The following SASH1 variants were observed in gnomAD, a reference collection of about 807,000 sequenced individuals.
The protein encoded by SASH1 is SAM and SH3 domain containing 1, also known as SAM and SH3 domain-containing protein 1.
In SASH1, 44 loss-of-function variants were observed where a neutral mutation model predicts 125.2. That is an observed-to-expected ratio of 0.35 (90% CI 0.28 to 0.45). The LOEUF (loss-of-function observed/expected upper bound fraction) is 0.45. Among genes scored for constraint, SASH1 ranks in the 20% least tolerant of loss-of-function variants. SASH1 has a pLI of 1.00. For synonymous variants in SASH1, 639 were observed against 649.1 expected (o/e 0.98, Z 0.24); for missense variants, 1,426 against 1,614.5 (o/e 0.88, Z 2.00).
the SASH1 span, among the ~76,000 whole-genome samples, chr6:148,205,337 G>T: frequency 2.0e-5 from 3 of 152,130 alleles, no homozygotes; most frequent in Admixed American, 6.5e-5. Flanking sequence ...CCTTGCGCTT[G>T]GTTGCCCATC....
At chr6:148,489,625 T>A (rs1358245134) in intron 8 of SASH1, among the ~76,000 whole-genome samples, 1 of 152,174 alleles carries the variant, frequency 6.6e-6, no homozygotes, top group East Asian at 1.9e-4. Context: ...TTTATTTATG[T>A]CTTCATTAAT....
At chr6:148,505,794 C>T (rs551815408) in intron 8 of SASH1, among the ~76,000 whole-genome samples, 2 of 152,148 alleles carry the variant, frequency 1.3e-5, no homozygotes, top group South Asian at 4.2e-4. Context: ...TGTGCCACCA[C>T]ACATGGCTAA....
chr6:148,465,705 ACTTG>A (rs1452687644), intron 4 of SASH1, among the ~76,000 whole-genome samples: 2 of 152,114 alleles, frequency 1.3e-5, no homozygotes, highest in Non-Finnish European at 2.9e-5. Flanking sequence ...CAGTCCCATG[ACTTG>A]AAGTGCAAAG....
At chr6:148,526,046 CTTTTTTTTTTTTTTTTT>C (rs34023266) in intron 11 of SASH1, among the ~76,000 whole-genome samples, 3 of 54,132 alleles carry the variant, frequency 5.5e-5, no homozygotes, top group African/African-American at 7.0e-5. Context: ...GAAGGTGAGT[CTTTTTTTTTTTTTTTTT>C]TTTTTTTTTT....
intron 1 of SASH1, among the ~76,000 whole-genome samples, chr6:148,376,953 G>T (rs1396514291): frequency 6.6e-6 from 1 of 151,240 alleles, no homozygotes; most frequent in Non-Finnish European, 1.5e-5. Context: ...GGCGGATCAC[G>T]AGGTCAGGAG....
chr6:148,509,588 C>T (rs1293321648), intron 8 of SASH1, among the ~76,000 whole-genome samples: 1 of 152,118 alleles, frequency 6.6e-6, no homozygotes, highest in East Asian at 1.9e-4. Context: ...TTGGTTTTAA[C>T]CTTTATTACA....
At chr6:148,228,738 CA>C in the SASH1 span, among the ~76,000 whole-genome samples, 5 of 152,108 alleles carry the variant, frequency 3.3e-5, no homozygotes. Context: ...CATTGTTCTA[CA>C]GTTTAATGTT....
At chr6:148,337,889 C>T (rs1036367662), upstream of SASH1, among the ~76,000 whole-genome samples, 1 of 152,144 alleles carries the variant, frequency 6.6e-6, no homozygotes, top group Non-Finnish European at 1.5e-5. Context: ...AGAATTGATT[C>T]TGTAATCAAC....
intron 8 of SASH1, among the ~76,000 whole-genome samples, chr6:148,511,008 AAAAAAG>A (rs1222463547): frequency 1.3e-5 from 2 of 152,150 alleles, no homozygotes; most frequent in East Asian, 1.9e-4. Flanking sequence ...AAAAAAAAAA[AAAAAAG>A]AAAGACATGC....
At chr6:148,235,032 A>G in the SASH1 span, among the ~76,000 whole-genome samples, 6 of 152,186 alleles carry the variant, frequency 3.9e-5, no homozygotes, top group Non-Finnish European at 7.4e-5. Flanking sequence ...AGCACCAACA[A>G]TACATGGATT....
At chr6:148,338,955 A>C (rs1394411447), upstream of SASH1, among the ~76,000 whole-genome samples, 2 of 150,610 alleles carry the variant, frequency 1.3e-5, no homozygotes, top group Non-Finnish European at 3.0e-5. Context: ...CAGTGAGCCG[A>C]AATCGGGCCA....
intron 1 of SASH1, among the ~76,000 whole-genome samples, chr6:148,359,457 A>G (rs1050494171): frequency 8.6e-5 from 13 of 151,980 alleles, no homozygotes; most frequent in Admixed American, 6.6e-5. Context: ...AATTGCTGCA[A>G]TCTCATGATT....
chr6:148,422,047 G>A (rs944604556), intron 2 of SASH1, among the ~76,000 whole-genome samples: 1 of 152,252 alleles, frequency 6.6e-6, no homozygotes, highest in Admixed American at 6.5e-5. Context: ...GGAGGGAAAG[G>A]AGAAGGCCCT....
Position 148,390,255 on chromosome 6 carries a change from T to A in SASH1, c.278T>A (p.Leu93Gln). ...CGGAAACGGCGGGTTTCCCAGGACC[T>A]GGAAGTGGTGAGTGGGGGTCCTGGG... is the stretch of plus-strand genomic sequence containing the variant. Reference protein sequence around the residue: ...ELRKRRVSQDLEVEKPDASPT... With the variant: ...ELRKRRVSQDQEVEKPDASPT... The change falls in exon 2 of 20, where the codon CTG (leucine) becomes CAG (glutamine). Residue 93 changes from leucine (L) to glutamine (Q), a missense_variant. Around this residue, in one of 3 missense-constraint regions of SASH1, gnomAD observed 567 missense variants for 575.6 expected, o/e 0.99. Coordinates refer to ENST00000367467, the MANE Select transcript of SASH1 (RefSeq NM_015278.5). 6.2e-7 allele frequency: 1 copy of A among 1,610,780 alleles called. No individual in the cohort carries two copies. Among genetic ancestry groups the A allele is most frequent in the Non-Finnish European group, 8.5e-7 (1 of 1,178,966 alleles).
chr6:148,341,994 G>T (rs533647602), upstream of SASH1, among the ~76,000 whole-genome samples: 1 of 152,204 alleles, frequency 6.6e-6, no homozygotes, highest in South Asian at 2.1e-4. Context: ...CTTCCCCTTG[G>T]AAAAACACAC....
intron 1 of SASH1, among the ~76,000 whole-genome samples, chr6:148,353,435 ATTTTTTTT>A (rs377513066): frequency 9.2e-6 from 1 of 108,800 alleles, no homozygotes; most frequent in Non-Finnish European, 1.8e-5. Context: ...TTTAAGATTG[ATTTTTTTT>A]TTTTTTTTTT....
chr6:148,228,487 T>C, the SASH1 span, among the ~76,000 whole-genome samples: 1 of 152,150 alleles, frequency 6.6e-6, no homozygotes, highest in Non-Finnish European at 1.5e-5. Context: ...ACAAACAAAA[T>C]ATTGTGGCAA....
intron 1 of SASH1, among the ~76,000 whole-genome samples, chr6:148,358,001 A>C (rs1782012007): frequency 1.4e-5 from 2 of 145,706 alleles, no homozygotes; most frequent in Admixed American, 7.2e-5. Flanking sequence ...CGGAGGTTGC[A>C]GTGAGCTGAG....
chr6:148,282,220 T>C (rs1265155347), intron 1 of SASH1, among the ~76,000 whole-genome samples: 2 of 152,166 alleles, frequency 1.3e-5, no homozygotes, highest in African/African-American at 2.4e-5. Context: ...TCCTGCACAC[T>C]GCAGGACTTC....
Sources: allele counts gnomAD v4.1 joint callset (sites outside exome capture counted in the v4.1 genomes callset), GRCh38; gene constraint gnomAD v4.1.1; regional missense constraint gnomAD v4.1.1; transcripts MANE v1.5; gene names NCBI Gene and HGNC (gene_info 2026-07-23, HGNC 2026-07-21).